Variants in POT1 observed in about 807,000 individuals in gnomAD.
The protein encoded by POT1 is protection of telomeres protein 1.
POT1 carries 47 observed loss-of-function variants against 78.5 expected under a neutral mutation model. That is an observed-to-expected ratio of 0.60 (90% CI 0.47 to 0.76). The LOEUF (loss-of-function observed/expected upper bound fraction) is 0.76, where lower values mean the gene tolerates loss of function less well. Ranked by LOEUF, POT1 falls within the 30% of genes least tolerant of loss-of-function variation. POT1 has a pLI of 0.00. For missense variants in POT1, 646 were observed against 749.9 expected (o/e 0.86, Z 1.62); for synonymous variants, 259 against 260.7 (o/e 0.99, Z 0.06).
intron 6 of POT1, among the ~76,000 whole-genome samples, chr7:124,879,753 T>G (rs1476898461): frequency 6.6e-6 from 1 of 152,102 alleles, no homozygotes; most frequent in Non-Finnish European, 1.5e-5. Flanking sequence ...AATATAAGAT[T>G]TTGGTGATAA....
At chr7:124,829,105 T>A (rs1186525180) in intron 16 of POT1, 149 bp downstream of exon 16, 1 of 770,970 alleles carries the variant, frequency 1.3e-6, no homozygotes, top group Non-Finnish European at 2.4e-6. Flanking sequence ...CAGATATCTT[T>A]AAATTTACAA....
chr7:124,825,378 G>GAA, intron 17 of POT1, 21 bp from the exon 18 acceptor site: 4 of 1,377,604 alleles, frequency 2.9e-6, no homozygotes, highest in Non-Finnish European at 3.0e-6. Context: ...TTTCATGAGA[G>GAA]AAAAAAAAAG....
At position 124,871,680 on chromosome 7, in the gene POT1, A is replaced by G. The variant is rs182807349; in HGVS notation, c.125-639T>C. 5.9e-5 allele frequency among the ~76,000 whole-genome samples: 9 copies of G among 152,130 alleles called. No homozygotes were observed. In the East Asian group the frequency reaches 1.5e-3, roughly 26 times the overall value. On this transcript the variant is annotated intron_variant, in intron 6 of 18. Transcript: ENST00000357628. Reference sequence around the variant, plus strand: ...TTAATATTTGGGTTGCTATAAAACGATAACTTCAAACACTGGTGGTAGTAA... The same window carrying G: ...TTAATATTTGGGTTGCTATAAAACGGTAACTTCAAACACTGGTGGTAGTAA...
chr7:124,827,315 G>A lies in POT1; in HGVS notation c.1595-10C>T, dbSNP rs2116415305. 3 of 1,502,472 alleles carry A rather than the reference G, an allele frequency of 2.0e-6. No individual in the cohort carries two copies. In the South Asian group the frequency reaches 3.7e-5, roughly 18 times the overall value. 93.1% of individuals were successfully genotyped at this position (1,502,472 alleles called of 1,614,324 possible). On this transcript the variant is annotated splice_polypyrimidine_tract_variant and intron_variant, in intron 16 of 18. Coordinates refer to ENST00000357628, the MANE Select transcript of POT1 (RefSeq NM_015450.3). ...GGTACAATACCCAGTGCTAGTGAAG[G>A]AAAAAAAGATCAAACCATATGAGTC... is the stretch of plus-strand genomic sequence containing the variant.
At position 124,828,816 on chromosome 7, in the gene POT1, G is replaced by C. The variant is rs74545182; in HGVS notation, c.1594+438C>G. 24 of 477,678 alleles carry C rather than the reference G, an allele frequency of 5.0e-5. No individual in the cohort carries two copies. The East Asian group carries it at 1.2e-3, about 23-fold the overall frequency. The allele number at this position is 477,678 out of a possible 1,614,324, so 29.6% of individuals were successfully genotyped here. ...AAACATGAGATGGCTGTATCAAAAA[G>C]GAAAGAAAACAAAACCAAGTGTACA... is the stretch of plus-strand genomic sequence containing the variant. On this transcript the variant is annotated intron_variant, in intron 16 of 18. Transcript: ENST00000357628.
chr7:124,836,841 C>G (rs1468889522), intron 14 of POT1, among the ~76,000 whole-genome samples: 1 of 152,198 alleles, frequency 6.6e-6, no homozygotes, highest in African/African-American at 2.4e-5. Flanking sequence ...GTGATTTCCT[C>G]TTAATGTAAA....
intron 6 of POT1, among the ~76,000 whole-genome samples, chr7:124,887,103 A>G (rs1796259643): frequency 6.6e-6 from 1 of 152,152 alleles, no homozygotes; most frequent in African/African-American, 2.4e-5. Flanking sequence ...GGGGCAGCAC[A>G]CGTAACATTT....
At chr7:124,878,788 A>G (rs1439152287) in intron 6 of POT1, among the ~76,000 whole-genome samples, 1 of 152,152 alleles carries the variant, frequency 6.6e-6, no homozygotes, top group Non-Finnish European at 1.5e-5. Context: ...TGATCCAAAT[A>G]TGAAGAAAAC....
At chr7:124,914,744 G>A (rs1796976839) in intron 3 of POT1, among the ~76,000 whole-genome samples, 1 of 152,052 alleles carries the variant, frequency 6.6e-6, no homozygotes, top group South Asian at 2.1e-4. Context: ...TAATGTCAAT[G>A]GTAGGGAGAA....
At chr7:124,918,077 A>G (rs1797061796) in intron 2 of POT1, among the ~76,000 whole-genome samples, 1 of 152,198 alleles carries the variant, frequency 6.6e-6, no homozygotes, top group African/African-American at 2.4e-5. Context: ...GTCTCACCCA[A>G]CTGCTCTAAC....
intron 6 of POT1, among the ~76,000 whole-genome samples, chr7:124,881,349 T>C (rs1052140541): frequency 2.6e-5 from 4 of 151,940 alleles, no homozygotes; most frequent in African/African-American, 7.2e-5. Context: ...CAGTCCACTG[T>C]TGATCAAAAT....
At chr7:124,838,159 C>T (rs906066638) in intron 14 of POT1, among the ~76,000 whole-genome samples, 2 of 152,068 alleles carry the variant, frequency 1.3e-5, no homozygotes, top group Non-Finnish European at 2.9e-5. Context: ...CCTCTCATTG[C>T]TCCTATTCAA....
intron 14 of POT1, among the ~76,000 whole-genome samples, chr7:124,840,351 T>A (rs1156655042): frequency 6.6e-6 from 1 of 151,010 alleles, no homozygotes; most frequent in Non-Finnish European, 1.5e-5. Flanking sequence ...TGAAAAGGTT[T>A]CAAGGGAAGG....
intron 7 of POT1, among the ~76,000 whole-genome samples, chr7:124,866,457 C>A (rs1795728020): frequency 2.0e-5 from 2 of 101,234 alleles, no homozygotes; most frequent in Non-Finnish European, 4.4e-5. Context: ...TTCAACCACA[C>A]AGCAGCTTTT....
rs1794903016 is a variant in POT1 at position 124,836,452 on chromosome 7, T to TA, written c.1370-1039dup. Among the ~76,000 whole-genome samples, 3 of 152,310 alleles carry TA rather than the reference T, an allele frequency of 2.0e-5. No homozygotes were observed. The South Asian group carries it at 6.2e-4, about 32-fold the overall frequency. On this transcript the variant is annotated intron_variant, in intron 14 of 18. Transcript: ENST00000357628. ...AACAATATTCCCTAAGCATGCTACTTAAAAGTTTCACAGCCCAAAAGTTAG... is the reference window on the plus strand; with the variant it reads ...AACAATATTCCCTAAGCATGCTACTTAAAAAGTTTCACAGCCCAAAAGTTAG...
intron 5 of POT1, among the ~76,000 whole-genome samples, chr7:124,894,816 T>C (rs1216434609): frequency 6.6e-6 from 1 of 151,494 alleles, no homozygotes; most frequent in Non-Finnish European, 1.5e-5. Context: ...ATAGTGTAGT[T>C]AGTAGGAGAA....
chr7:124,891,583 A>C (rs1796373461), intron 6 of POT1, among the ~76,000 whole-genome samples: 1 of 151,318 alleles, frequency 6.6e-6, no homozygotes, highest in South Asian at 2.1e-4. Context: ...GTCTTGTGAC[A>C]CTCAATTCCC....
chr7:124,870,323 T>G (rs1795836852), intron 7 of POT1, among the ~76,000 whole-genome samples: 1 of 152,110 alleles, frequency 6.6e-6, no homozygotes, highest in African/African-American at 2.4e-5. Context: ...GTTCTAAAAT[T>G]TTTTTAATTG....
rs552572408 is a variant in POT1, at chr7:124,913,710, A to G, written c.-154+1864T>C. Among the ~76,000 whole-genome samples, 103 of 149,288 alleles carry G rather than the reference A, an allele frequency of 6.9e-4. 1 individual carries two copies. In the Middle Eastern group the frequency reaches 0.01, roughly 15 times the overall value. On this transcript the variant is annotated intron_variant, in intron 3 of 18. Coordinates refer to ENST00000357628, the MANE Select transcript of POT1 (RefSeq NM_015450.3). ...TATGTGGAAATCCAGTTGTCTCATT[A>G]TTATTTGTTGAAAAGACAAATGGTC...
Sources: gnomAD v4.1 joint callset for allele counts (sites outside exome capture counted in the v4.1 genomes callset) on GRCh38, gnomAD v4.1.1 for gene constraint, MANE v1.5 for transcripts, NCBI Gene and HGNC (gene_info 2026-07-23, HGNC 2026-07-21) for gene names.